Variants in FGF22 observed in about 807,000 individuals in gnomAD.
The protein encoded by FGF22 is fibroblast growth factor 22, also known as FGF-22.
FGF22 carries 11 observed loss-of-function variants against 10.3 expected under a neutral mutation model. The observed-to-expected ratio is 1.07, with a 90% CI of 0.67 to 1.77. FGF22 has a LOEUF of 1.77. Ranked by LOEUF, FGF22 falls within the 40% of genes most tolerant of loss-of-function variation. FGF22 has a pLI of 0.00. For synonymous variants in FGF22, 136 were observed against 122.1 expected, an observed-to-expected ratio of 1.11 and a Z score of -0.75; for missense variants, 317 against 273.2, an observed-to-expected ratio of 1.16 and a Z score of -1.13.
intron 1 of FGF22, among the ~76,000 whole-genome samples, chr19:641,769 G>A (rs1232960983): frequency 1.3e-5 from 2 of 152,122 alleles, no homozygotes; most frequent in Non-Finnish European, 2.9e-5. Context: ...GTCCTGGAAG[G>A]TCGGGCTGGG....
chr19:643,586 G>A, exon 3 of FGF22: 1 of 1,550,190 alleles, frequency 6.5e-7, no homozygotes, highest in Non-Finnish European at 8.7e-7. Flanking sequence ...CCCACTTCCT[G>A]CCCGTCCTGG....
At chr19:642,241 G>A (rs571139130) in intron 1 of FGF22, among the ~76,000 whole-genome samples, 1 of 105,472 alleles carries the variant, frequency 9.5e-6, no homozygotes, top group South Asian at 3.3e-4. Flanking sequence ...CATATGGGGT[G>A]GTGTGAGCTG....
intron 1 of FGF22, among the ~76,000 whole-genome samples, chr19:641,956 G>A (rs1179524186): frequency 1.3e-5 from 2 of 152,174 alleles, no homozygotes; most frequent in Non-Finnish European, 2.9e-5. Flanking sequence ...GTGGGGCAGG[G>A]CTCACCCAGG....
chr19:640,964 C>A (rs886138818), intron 1 of FGF22: 1 of 352,134 alleles, frequency 2.8e-6, no homozygotes, highest in Admixed American at 3.7e-5. Flanking sequence ...ACTGGCTGGG[C>A]CGGTCCATCC....
In FGF22 at chr19:643,325, G is replaced by A. The variant is rs771837744; in HGVS notation, c.305G>A (p.Arg102His). 5.0e-6 allele frequency: 8 copies of A among 1,593,728 alleles called. No homozygotes were observed. The highest frequency in any genetic ancestry group is 4.6e-5 in the East Asian group (2 of 43,266). Reference sequence around the variant, plus strand: ...TACGTGGCCATGAACCGCCGGGGCCGCCTCTACGGGTCGGTGAGTGCCGGG... The same window carrying A: ...TACGTGGCCATGAACCGCCGGGGCCACCTCTACGGGTCGGTGAGTGCCGGG... The change falls in exon 2 of 3, where the codon CGC (arginine) becomes CAC (histidine). Residue 102 changes from arginine (R) to histidine (H), a missense_variant. Physicochemically the swap from Arg to His is conservative, Grantham distance 29. Transcript: ENST00000215530.
At chr19:643,734 C>A in exon 3 of FGF22, 3 of 817,266 alleles carry the variant, frequency 3.7e-6, no homozygotes, top group African/African-American at 1.7e-5. Flanking sequence ...TGGACACAGC[C>A]CAGGAGCCCT....
At chr19:643,569 C>G in exon 3 of FGF22, 1 of 1,571,956 alleles carries the variant, frequency 6.4e-7, no homozygotes, top group East Asian at 2.3e-5. Context: ...GCGGTACCAC[C>G]TGTCCGCCCA....
At chr19:641,166 GC>G (rs779913352) in intron 1 of FGF22, 2 of 456,522 alleles carry the variant, frequency 4.4e-6, no homozygotes, top group South Asian at 3.1e-5. Context: ...CCTTGTGGGT[GC>G]TGTGCTCCGC....
intron 1 of FGF22, among the ~76,000 whole-genome samples, chr19:642,748 C>G (rs760893081): frequency 9.2e-5 from 14 of 151,892 alleles, no homozygotes; most frequent in Admixed American, 2.6e-4. Flanking sequence ...TGGTCGCTGG[C>G]TCATTGACAG....
At chr19:642,312 C>G (rs12977224) in intron 1 of FGF22, among the ~76,000 whole-genome samples, 115 of 3,004 alleles carry the variant, frequency 0.038, 20 homozygotes, top group African/African-American at 0.064. Context: ...GGGCTGGGGG[C>G]TCCATATGGG....
At chr19:643,454 G>A (rs771748957) in exon 3 of FGF22, 2 of 1,611,388 alleles carry the variant, frequency 1.2e-6, no homozygotes, top group African/African-American at 1.3e-5. Context: ...GCATCGAAGA[G>A]AACGGCCACA....
chr19:639,946 G>A, exon 1 of FGF22: 1 of 1,230,846 alleles, frequency 8.1e-7, no homozygotes, highest in Non-Finnish European at 1.0e-6. Flanking sequence ...GCCTGTGGCT[G>A]GGCCTGGCCT....
exon 1 of FGF22, chr19:640,063 C>T: frequency 1.4e-6 from 2 of 1,420,990 alleles, no homozygotes; most frequent in South Asian, 2.9e-5. Flanking sequence ...GGCGCCTCTT[C>T]TCCTCCACTC....
chr19:639,954 C>T, exon 1 of FGF22: 1 of 1,251,168 alleles, frequency 8.0e-7, no homozygotes, highest in South Asian at 3.1e-5. Context: ...CTGGGCCTGG[C>T]CTGGCTGCTG....
chr19:643,255 G>A (rs1201095741), exon 2 of FGF22: 1 of 1,611,528 alleles, frequency 6.2e-7, no homozygotes, highest in Non-Finnish European at 8.5e-7. Flanking sequence ...GATCCGCTCT[G>A]TACACGTGGG....
At chr19:640,304 G>A in intron 1 of FGF22, 165 bp downstream of exon 1, 1 of 427,324 alleles carries the variant, frequency 2.3e-6, no homozygotes. Context: ...CCTGCCTGGT[G>A]GGAGGGTTGC....
intron 1 of FGF22, 162 bp downstream of exon 1, chr19:640,301 G>A: frequency 2.3e-6 from 1 of 429,648 alleles, no homozygotes; most frequent in South Asian, 1.1e-4. Flanking sequence ...CAGCCTGCCT[G>A]GTGGGAGGGT....
In FGF22 at chr19:643,615, G is replaced by C. The variant is rs985740447; in HGVS notation, c.*11G>C. 6.0e-6 allele frequency: 9 copies of C among 1,503,292 alleles called. No individual in the cohort carries two copies. In the African/African-American group the frequency reaches 1.3e-4, roughly 21 times the overall value. The allele number at this position is 1,503,292 out of a possible 1,614,324, so 93.1% of individuals were successfully genotyped here. On this transcript the variant is annotated 3_prime_UTR_variant, in exon 3 of 3. Coordinates refer to ENST00000215530, the Ensembl canonical transcript of FGF22. ...GTCCTGGTCTCCTGAGGCCCTGAGA[G>C]GCCGGCGGCTCCCCAAGGTGCCTGG... is the stretch of plus-strand genomic sequence containing the variant.
At chr19:640,085 C>A (rs888478340) in exon 1 of FGF22, 1 of 1,415,356 alleles carries the variant, frequency 7.1e-7, no homozygotes, top group Middle Eastern at 2.5e-4. Flanking sequence ...CTTCTTCCTG[C>A]GCGTGGATCC....
Sources: gnomAD v4.1 joint callset for allele counts (sites outside exome capture counted in the v4.1 genomes callset) on GRCh38, gnomAD v4.1.1 for gene constraint, MANE v1.5 for transcripts, NCBI Gene and HGNC (gene_info 2026-07-23, HGNC 2026-07-21) for gene names.